Variants in POU3F3 observed in about 807,000 individuals in gnomAD.
POU3F3 encodes the protein POU domain, class 3, transcription factor 3.
In POU3F3, 1 loss-of-function variant was observed where a neutral mutation model predicts 8.6. That is an observed-to-expected ratio of 0.12 (90% CI 0.04 to 0.55). The LOEUF (loss-of-function observed/expected upper bound fraction) is 0.55. POU3F3 is among the 20% of genes least tolerant of loss of function. POU3F3 has a pLI of 0.91. For synonymous variants in POU3F3, 418 were observed against 327.4 expected (o/e 1.28, Z -2.99); for missense variants, 577 against 690.7 (o/e 0.84, Z 1.84).
chr2:104,926,170 C>G, the POU3F3 span: 1 of 152,118 alleles, frequency 6.6e-6, no homozygotes, highest in Non-Finnish European at 1.5e-5. Flanking sequence ...AACAGGCAAC[C>G]TACAGAATGG....
At chr2:104,876,525 A>G in the POU3F3 span, among the ~76,000 whole-genome samples, 1 of 152,202 alleles carries the variant, frequency 6.6e-6, no homozygotes, top group African/African-American at 2.4e-5. Flanking sequence ...ATTTATGTGT[A>G]GTGTATCTAC....
the POU3F3 span, among the ~76,000 whole-genome samples, chr2:104,868,724 G>T: frequency 6.6e-6 from 1 of 152,172 alleles, no homozygotes; most frequent in South Asian, 2.1e-4. Context: ...GGCAGAGGAG[G>T]GGGAGGCAAT....
chr2:104,892,890 A>T, the POU3F3 span, among the ~76,000 whole-genome samples: 1 of 151,866 alleles, frequency 6.6e-6, no homozygotes, highest in South Asian at 2.1e-4. Flanking sequence ...GATAGGAGGG[A>T]AGATGAGTGA....
At chr2:104,872,190 C>G in the POU3F3 span, 2 of 453,902 alleles carry the variant, frequency 4.4e-6, no homozygotes, top group Non-Finnish European at 8.8e-6. This position sits in a 1 kb window ranked among gnomAD's most constrained non-coding sequence, Gnocchi z 4.6. Flanking sequence ...GCCGGCTGCG[C>G]CCTCCCTCTC....
At chr2:104,906,855 TC>T in the POU3F3 span, among the ~76,000 whole-genome samples, 20 of 152,288 alleles carry the variant, frequency 1.3e-4, no homozygotes, top group East Asian at 3.1e-3. Context: ...GGTAGTTCCT[TC>T]CGCATCTGAA....
At chr2:104,868,451 G>T in the POU3F3 span, 1 of 428,270 alleles carries the variant, frequency 2.3e-6, no homozygotes, top group Non-Finnish European at 4.7e-6. Context: ...CCTACTTCTT[G>T]GTGTCCCCTT....
rs1018407859 is a variant in POU3F3, at chr2:104,856,182, G to A, written c.672G>A (p.Gln224=). The change falls in exon 1 of 1, where the codon CAG becomes CAA. Residue 224 remains glutamine, a synonymous_variant. Transcript: ENST00000361360. ...CGCCGCAGAGTCTGCTCTACTCGCA[G>A]CCCGGAGGCTTCACGGTGAACGGCA... ...QPPPQSLLYS[Q]PGGFTVNGML... The A allele has an allele frequency of 1.6e-6, 2 of 1,270,022 alleles. No homozygotes were observed. 78.7% of individuals were successfully genotyped at this position (1,270,022 alleles called of 1,614,324 possible). A position where few individuals can be genotyped will look rare whatever the true frequency, so the allele number is the denominator to read the frequency against.
the POU3F3 span, among the ~76,000 whole-genome samples, chr2:104,908,251 G>A: frequency 6.6e-6 from 1 of 152,132 alleles, no homozygotes; most frequent in Non-Finnish European, 1.5e-5. Flanking sequence ...GACATGGATG[G>A]TTCACTTTCC....
the POU3F3 span, among the ~76,000 whole-genome samples, chr2:104,910,324 T>A: frequency 6.6e-6 from 1 of 152,140 alleles, no homozygotes; most frequent in African/African-American, 2.4e-5. Context: ...TTGGCTCCCC[T>A]AAGACTCAGA....
the POU3F3 span, among the ~76,000 whole-genome samples, chr2:104,875,688 C>T: frequency 6.6e-6 from 1 of 152,012 alleles, no homozygotes; most frequent in Non-Finnish European, 1.5e-5. Context: ...TCTCTTTTAA[C>T]TTTTGTTTTG....
chr2:104,856,912 G>A lies in POU3F3; in HGVS notation c.1402G>A (p.Gly468Arg). ...AAAGGAGAAGCGCATGACGCCGCCC[G>A]GGATCCAACAGCAGACGCCCGACGA... ...RQKEKRMTPP[G>R]IQQQTPDDVY... Residue 468 changes from glycine to arginine, a missense_variant, in exon 1 of 1, where the codon GGG becomes AGG. Gly to Arg is a moderately radical substitution (Grantham distance 125, BLOSUM62 -2). Transcript: ENST00000361360. 1 of 1,613,778 alleles carries A rather than the reference G, an allele frequency of 6.2e-7. No homozygotes were observed.
At chr2:104,865,044 T>C in the POU3F3 span, among the ~76,000 whole-genome samples, 1 of 152,190 alleles carries the variant, frequency 6.6e-6, no homozygotes, top group Non-Finnish European at 1.5e-5. Context: ...ATTGCCACAG[T>C]TTTAGAAATG....
the POU3F3 span, among the ~76,000 whole-genome samples, chr2:104,865,001 A>G: frequency 6.6e-6 from 1 of 152,216 alleles, no homozygotes; most frequent in African/African-American, 2.4e-5. Flanking sequence ...CTGGATGGGA[A>G]TCTACCAAAA....
chr2:104,917,315 A>C, the POU3F3 span, among the ~76,000 whole-genome samples: 2 of 152,222 alleles, frequency 1.3e-5, no homozygotes, highest in African/African-American at 4.8e-5. Flanking sequence ...AACCCTGACT[A>C]ATACAACTGC....
chr2:104,877,074 ATTGCCTC>A, the POU3F3 span, among the ~76,000 whole-genome samples: 1 of 152,180 alleles, frequency 6.6e-6, no homozygotes, highest in South Asian at 2.1e-4. Context: ...ACACAGAGTC[ATTGCCTC>A]TTCCCTTGTT....
At position 104,858,107 on chromosome 2, in the gene POU3F3, A is replaced by G. The variant is rs1326861322; in HGVS notation, c.*1094A>G. On this transcript the variant is annotated 3_prime_UTR_variant, in exon 1 of 1. Transcript: ENST00000361360. ...ATTTTTTATTTCTGGACTGACTCAGATAAAGGAATTTAGAAAGACTGAGCA... is the reference window on the plus strand; with the variant it reads ...ATTTTTTATTTCTGGACTGACTCAGGTAAAGGAATTTAGAAAGACTGAGCA... 6.6e-6 allele frequency: 1 copy of G among 152,202 alleles called. No homozygotes were observed. Among genetic ancestry groups the G allele is most frequent in the Non-Finnish European group, 1.5e-5 (1 of 68,050 alleles). 9.4% of individuals were successfully genotyped at this position (152,202 alleles called of 1,614,324 possible).
chr2:104,906,494 GA>G, the POU3F3 span, among the ~76,000 whole-genome samples: 1 of 152,228 alleles, frequency 6.6e-6, no homozygotes, highest in Non-Finnish European at 1.5e-5. Flanking sequence ...TCTCCTTCTA[GA>G]ATTGTCCTGG....
the POU3F3 span, among the ~76,000 whole-genome samples, chr2:104,882,228 G>A: frequency 2.0e-5 from 3 of 149,500 alleles, no homozygotes; most frequent in African/African-American, 7.4e-5. Flanking sequence ...CTTTCTGGTT[G>A]GAAAGAAAAC....
upstream of POU3F3, chr2:104,853,434 T>G (rs922057660): frequency 1.3e-5 from 2 of 152,250 alleles, no homozygotes; most frequent in Admixed American, 6.5e-5. Context: ...GGTGGCGGAT[T>G]TCCAAGGAGC....
Sources: allele counts gnomAD v4.1 joint callset (sites outside exome capture counted in the v4.1 genomes callset), GRCh38; gene constraint gnomAD v4.1.1; non-coding constraint Gnocchi (gnomAD v3.1); transcripts MANE v1.5; gene names NCBI Gene and HGNC (gene_info 2026-07-23, HGNC 2026-07-21).